CNTN4: variants seen among roughly 807,000 people sequenced by gnomAD.
CNTN4 encodes the protein contactin-4.
In CNTN4, 77 loss-of-function variants were observed where a neutral mutation model predicts 122.5. The observed-to-expected ratio is 0.63, with a 90% CI of 0.52 to 0.76. CNTN4 has a LOEUF of 0.76. Ranked by LOEUF, CNTN4 falls within the 30% of genes least tolerant of loss-of-function variation. The pLI, the probability that CNTN4 is intolerant of heterozygous loss-of-function variation, is 0.00. For synonymous variants in CNTN4, 512 were observed against 447.0 expected (o/e 1.15, Z -1.83); for missense variants, 1,256 against 1,259.1 (o/e 1.00, Z 0.04).
intron 6 of CNTN4, among the ~76,000 whole-genome samples, chr3:2,804,228 G>A (rs1436393824): frequency 6.6e-6 from 1 of 152,080 alleles, no homozygotes; most frequent in African/African-American, 2.4e-5. Context: ...TGGGTGTTAG[G>A]ATCACAGGTG....
intron 6 of CNTN4, among the ~76,000 whole-genome samples, chr3:2,810,401 C>A (rs551845168): frequency 6.6e-6 from 1 of 151,858 alleles, no homozygotes; most frequent in African/African-American, 2.4e-5. Flanking sequence ...ATTTTTAATT[C>A]TTGCCTAGGT....
chr3:2,986,480 T>C (rs945348324), intron 13 of CNTN4, among the ~76,000 whole-genome samples: 3 of 152,196 alleles, frequency 2.0e-5, no homozygotes, highest in Non-Finnish European at 4.4e-5. Flanking sequence ...TCCACCTTCA[T>C]ACCCTCTCAT....
intron 3 of CNTN4, among the ~76,000 whole-genome samples, chr3:2,342,422 A>G (rs2044241850): frequency 6.6e-6 from 1 of 152,214 alleles, no homozygotes; most frequent in Non-Finnish European, 1.5e-5. Flanking sequence ...AAACCTTGAA[A>G]ATATTATAAA....
chr3:2,386,179 G>C (rs1196959474), intron 3 of CNTN4, among the ~76,000 whole-genome samples: 1 of 152,028 alleles, frequency 6.6e-6, no homozygotes, highest in African/African-American at 2.4e-5. Context: ...AGGGAAAAAT[G>C]AGTGCTTATT....
At chr3:2,192,011 A>G (rs1410573883) in intron 2 of CNTN4, among the ~76,000 whole-genome samples, 2 of 151,748 alleles carry the variant, frequency 1.3e-5, no homozygotes, top group African/African-American at 4.8e-5. Flanking sequence ...TGGTTTGCTG[A>G]GAATGATGGT....
intron 6 of CNTN4, among the ~76,000 whole-genome samples, chr3:2,781,027 C>CA (rs2091547189): frequency 6.6e-6 from 1 of 151,610 alleles, no homozygotes; most frequent in Non-Finnish European, 1.5e-5. Context: ...ATGGTCCTGC[C>CA]AAAAATCTCA....
chr3:3,026,404 GCT>G, intron 15 of CNTN4, 127 bp downstream of exon 15: 1 of 792,092 alleles, frequency 1.3e-6, no homozygotes, highest in South Asian at 1.5e-5. Flanking sequence ...GTTAATTCCT[GCT>G]CCTTTTTGCA....
chr3:2,935,061 AG>A (rs1181103234), intron 13 of CNTN4, among the ~76,000 whole-genome samples: 2,993 of 152,280 alleles, frequency 0.02, 111 homozygotes, highest in African/African-American at 0.066. Flanking sequence ...AATGTTTGTC[AG>A]AATCCACAGG....
chr3:2,833,863 G>A (rs532856510), intron 7 of CNTN4, among the ~76,000 whole-genome samples: 10 of 152,288 alleles, frequency 6.6e-5, no homozygotes, highest in African/African-American at 2.4e-4. Context: ...AACTGGGCTG[G>A]GCGAGGTGGC....
At chr3:2,182,001 A>G (rs560417685) in intron 2 of CNTN4, among the ~76,000 whole-genome samples, 2 of 152,266 alleles carry the variant, frequency 1.3e-5, no homozygotes, top group African/African-American at 4.8e-5. Flanking sequence ...CAGTAAATCC[A>G]TTTCAATAAT....
chr3:2,712,568 T>C (rs572951155), intron 4 of CNTN4, among the ~76,000 whole-genome samples: 1 of 152,144 alleles, frequency 6.6e-6, no homozygotes, highest in Admixed American at 6.5e-5. Context: ...ATAAACAGGG[T>C]GTAATGTTGT....
intron 6 of CNTN4, among the ~76,000 whole-genome samples, chr3:2,747,946 G>A (rs183154568): frequency 0.013 from 2,052 of 152,026 alleles, 23 homozygotes; most frequent in Non-Finnish European, 0.023. Flanking sequence ...TTACTTTAAA[G>A]ATGCTGGTTA....
intron 3 of CNTN4, among the ~76,000 whole-genome samples, chr3:2,457,103 C>A (rs1305133421): frequency 6.6e-6 from 1 of 152,204 alleles, no homozygotes; most frequent in Admixed American, 6.6e-5. Flanking sequence ...CTCTTTCTTT[C>A]TTTTGTTGCG....
intron 9 of CNTN4, among the ~76,000 whole-genome samples, chr3:2,885,978 G>A (rs1400442828): frequency 6.6e-6 from 1 of 152,150 alleles, no homozygotes; most frequent in Non-Finnish European, 1.5e-5. Flanking sequence ...GGGCTGCCAT[G>A]AGACAGAAAG....
chr3:2,164,322 G>A (rs2036100924), intron 2 of CNTN4, among the ~76,000 whole-genome samples: 1 of 152,112 alleles, frequency 6.6e-6, no homozygotes, highest in African/African-American at 2.4e-5. Context: ...CTGGAAGGCT[G>A]AGAAAATTCG....
intron 7 of CNTN4, among the ~76,000 whole-genome samples, chr3:2,838,171 C>T (rs974258138): frequency 3.7e-4 from 57 of 152,148 alleles, no homozygotes; most frequent in African/African-American, 1.4e-3. Flanking sequence ...GTTTGAATAT[C>T]TAAGTAGATC....
intron 3 of CNTN4, among the ~76,000 whole-genome samples, chr3:2,540,457 C>G (rs1238805496): frequency 1.3e-5 from 2 of 152,000 alleles, no homozygotes; most frequent in African/African-American, 4.8e-5. Context: ...GAAGAGCACA[C>G]AGGAGAAAAG....
At chr3:2,917,178 G>C (rs995706677) in intron 12 of CNTN4, among the ~76,000 whole-genome samples, 1 of 150,144 alleles carries the variant, frequency 6.7e-6, no homozygotes, top group Admixed American at 6.6e-5. Context: ...GCGCGCGCCT[G>C]CAATCGCAGG....
chr3:2,803,093 T>A (rs2092386384), intron 6 of CNTN4, among the ~76,000 whole-genome samples: 1 of 152,126 alleles, frequency 6.6e-6, no homozygotes, highest in African/African-American at 2.4e-5. Context: ...AATGAGTCAG[T>A]AAGAAAAATA....
Sources: gnomAD v4.1 joint callset for allele counts (sites outside exome capture counted in the v4.1 genomes callset) on GRCh38, gnomAD v4.1.1 for gene constraint, MANE v1.5 for transcripts, NCBI Gene and HGNC (gene_info 2026-07-23, HGNC 2026-07-21) for gene names.